RAD50: variants seen among roughly 807,000 people sequenced by gnomAD.
The protein encoded by RAD50 is DNA repair protein RAD50.
RAD50 carries 132 observed loss-of-function variants against 168.8 expected under a neutral mutation model. The observed-to-expected ratio is 0.78, with a 90% CI of 0.68 to 0.90. The LOEUF (loss-of-function observed/expected upper bound fraction) is 0.90. Among genes scored for constraint, RAD50 ranks in the 40% least tolerant of loss-of-function variants. The probability of loss-of-function intolerance (pLI) is 0.00; values close to 1 mark genes in which losing one functional copy is unlikely to be tolerated. For missense variants in RAD50, 1,347 were observed against 1,534.4 expected, an observed-to-expected ratio of 0.88 and a Z score of 2.04; for synonymous variants, 525 against 497.4, an observed-to-expected ratio of 1.06 and a Z score of -0.74.
chr5:132,600,263 G>C (rs1028210861), intron 13 of RAD50: 3 of 152,288 alleles, frequency 2.0e-5, no homozygotes, highest in African/African-American at 7.2e-5. Flanking sequence ...GGGGCATTGA[G>C]AAAACTACAG....
intron 16 of RAD50, 86 bp downstream of exon 16, chr5:132,605,085 C>T (rs1241353135): frequency 3.6e-6 from 4 of 1,108,948 alleles, no homozygotes; most frequent in African/African-American, 3.3e-5. Context: ...CGTTCTGTCA[C>T]CCAGGCTGGA....
At chr5:132,618,897 C>CA in intron 21 of RAD50, among the ~76,000 whole-genome samples, 1 of 152,346 alleles carries the variant, frequency 6.6e-6, no homozygotes, top group Non-Finnish European at 1.5e-5. Flanking sequence ...AACCTTCTGT[C>CA]ATCCCCATTC....
At chr5:132,628,132 AT>A (rs1751399923) in intron 21 of RAD50, among the ~76,000 whole-genome samples, 1 of 152,182 alleles carries the variant, frequency 6.6e-6, no homozygotes, top group African/African-American at 2.4e-5. Flanking sequence ...GTGCCTGTAG[AT>A]ATCTAAGCAG....
In RAD50 at chr5:132,609,353, A is replaced by G; in HGVS notation, c.2993A>G (p.Asn998Ser). 6.2e-7 allele frequency: 1 copy of G among 1,613,880 alleles called. No homozygotes were observed. Reference protein sequence around the residue: ...SECEKHKEKINEDMRLMRQDI... With the variant: ...SECEKHKEKISEDMRLMRQDI... Reference sequence around the variant, plus strand: ...TGCGAGAAACACAAAGAAAAGATAAATGAAGATATGAGACTCATGAGACAA... The same window carrying G: ...TGCGAGAAACACAAAGAAAAGATAAGTGAAGATATGAGACTCATGAGACAA... Residue 998 changes from asparagine to serine, a missense_variant, in exon 19 of 25, where the codon AAT (asparagine) becomes AGT (serine). Coordinates refer to ENST00000378823, the MANE Select transcript of RAD50 (RefSeq NM_005732.4).
chr5:132,637,695 GCTA>G (rs1751616360), intron 22 of RAD50, among the ~76,000 whole-genome samples: 1 of 151,980 alleles, frequency 6.6e-6, no homozygotes, highest in Non-Finnish European at 1.5e-5. Context: ...CCCACACCTG[GCTA>G]ATTTTTTGTA....
intron 21 of RAD50, among the ~76,000 whole-genome samples, chr5:132,619,577 T>C (rs1436151763): frequency 6.6e-6 from 1 of 152,092 alleles, no homozygotes; most frequent in African/African-American, 2.4e-5. Context: ...ATTGGTCTTT[T>C]CTTATTGATT....
intron 13 of RAD50, among the ~76,000 whole-genome samples, chr5:132,596,409 C>T (rs1057002429): frequency 2.0e-5 from 3 of 152,216 alleles, no homozygotes; most frequent in African/African-American, 7.2e-5. Context: ...TTAGGACTGT[C>T]TGTTGACATG....
At chr5:132,593,813 T>A (rs1038060485) in intron 11 of RAD50, among the ~76,000 whole-genome samples, 1 of 152,192 alleles carries the variant, frequency 6.6e-6, no homozygotes, top group Non-Finnish European at 1.5e-5. Context: ...TACAATTAGA[T>A]TCCTGGGAAG....
At chr5:132,623,653 A>G (rs1207791055) in intron 21 of RAD50, among the ~76,000 whole-genome samples, 1 of 152,118 alleles carries the variant, frequency 6.6e-6, no homozygotes, top group Non-Finnish European at 1.5e-5. Flanking sequence ...AAGTCTATCT[A>G]GTAGTTCTGT....
At chr5:132,635,142 G>A (rs1233061973) in intron 21 of RAD50, among the ~76,000 whole-genome samples, 2 of 152,062 alleles carry the variant, frequency 1.3e-5, no homozygotes, top group East Asian at 3.9e-4. Context: ...CATATTCAAG[G>A]GCTGTTAATA....
In RAD50 at chr5:132,621,062, G is replaced by A. The variant is rs114180789; in HGVS notation, c.3389+2768G>A. Among the ~76,000 whole-genome samples, 736 of 151,812 alleles carry A rather than the reference G, an allele frequency of 4.8e-3. 9 individuals carry two copies. Among genetic ancestry groups the A allele is most frequent in the African/African-American group, 0.017 (691 of 41,394 alleles). ...TGGTTCAAACCTGTGTTCAAGGATC[G>A]GTTGTATTCTACTTTAGTTATTTGA... On this transcript the variant is annotated intron_variant, in intron 21 of 24. Coordinates refer to ENST00000378823, the MANE Select transcript of RAD50 (RefSeq NM_005732.4).
intron 21 of RAD50, among the ~76,000 whole-genome samples, chr5:132,625,372 C>G (rs1348069738): frequency 6.6e-6 from 1 of 152,116 alleles, no homozygotes; most frequent in African/African-American, 2.4e-5. Context: ...AGGCGTGAGC[C>G]ACCGCGCCCG....
intron 21 of RAD50, among the ~76,000 whole-genome samples, chr5:132,629,159 C>G (rs1008938228): frequency 3.3e-5 from 5 of 152,182 alleles, no homozygotes; most frequent in African/African-American, 1.2e-4. Flanking sequence ...TAAGAATTCC[C>G]TTCACTTCCA....
chr5:132,565,642 C>G (rs1301848204), intron 2 of RAD50, among the ~76,000 whole-genome samples: 1 of 152,174 alleles, frequency 6.6e-6, no homozygotes, highest in African/African-American at 2.4e-5. Flanking sequence ...GAGAGGGTCA[C>G]TCTTCTCAGT....
At chr5:132,581,858 G>T (rs1750510741) in intron 5 of RAD50, among the ~76,000 whole-genome samples, 1 of 152,092 alleles carries the variant, frequency 6.6e-6, no homozygotes, top group South Asian at 2.1e-4. Flanking sequence ...TATTAGAACA[G>T]ATTTCCTTTT....
At chr5:132,635,794 A>T (rs973143433) in intron 21 of RAD50, among the ~76,000 whole-genome samples, 1 of 152,206 alleles carries the variant, frequency 6.6e-6, no homozygotes, top group Admixed American at 6.5e-5. Flanking sequence ...TTGGTCTAAC[A>T]TTCCATCAGT....
chr5:132,583,075 G>T (rs184824408), intron 5 of RAD50, among the ~76,000 whole-genome samples: 1 of 152,296 alleles, frequency 6.6e-6, no homozygotes, highest in African/African-American at 2.4e-5. Flanking sequence ...TAGTAGAGCT[G>T]TTAGTATTCA....
chr5:132,588,054 T>TC lies in RAD50; in HGVS notation c.1017dup (p.Asn340GlnfsTer10), dbSNP rs753905518. On this transcript the variant is annotated frameshift_variant, in exon 7 of 25. Transcript: ENST00000378823. LOFTEE classifies it high-confidence loss of function. ...AAACTAAATAAAGAATCTAGGCTTC[T>TC]CAATCAGGAAAAATCAGAACTGCTT... is the stretch of plus-strand genomic sequence containing the variant. 6 of 1,612,880 alleles carry TC rather than the reference T, an allele frequency of 3.7e-6. No individual in the cohort carries two copies. The highest frequency in any genetic ancestry group is 4.2e-6 in the Non-Finnish European group (5 of 1,179,076).
chr5:132,598,046 G>A (rs1750820880), intron 13 of RAD50, among the ~76,000 whole-genome samples: 1 of 148,656 alleles, frequency 6.7e-6, no homozygotes, highest in Non-Finnish European at 1.5e-5. Context: ...TAGCTATCAC[G>A]GCTCCTTTTT....
Sources: allele counts gnomAD v4.1 joint callset (sites outside exome capture counted in the v4.1 genomes callset), GRCh38; gene constraint gnomAD v4.1.1; transcripts MANE v1.5; gene names NCBI Gene and HGNC (gene_info 2026-07-23, HGNC 2026-07-21).